LCLAT1: variants seen among roughly 807,000 people sequenced by gnomAD.
The protein encoded by LCLAT1 is 1-AGP acyltransferase 8.
Under a neutral mutation model 30.7 loss-of-function variants are expected in LCLAT1, and 11 were observed. The ratio of observed to expected loss-of-function variants is 0.36; its 90% CI spans 0.23 to 0.59. The LOEUF (loss-of-function observed/expected upper bound fraction) is 0.59. Ranked by LOEUF, LCLAT1 falls within the 20% of genes least tolerant of loss-of-function variation. The pLI is 0.77. For synonymous variants in LCLAT1, 155 were observed against 151.3 expected, an observed-to-expected ratio of 1.02 and a Z score of -0.18; for missense variants, 402 against 458.6, an observed-to-expected ratio of 0.88 and a Z score of 1.13.
chr2:30,541,612 C>T (rs942024933), intron 3 of LCLAT1, among the ~76,000 whole-genome samples: 1 of 152,138 alleles, frequency 6.6e-6, no homozygotes, highest in Non-Finnish European at 1.5e-5. Context: ...TCTAATTATG[C>T]ATAAGTACCA....
intron 1 of LCLAT1, among the ~76,000 whole-genome samples, chr2:30,518,124 C>A (rs1685279589): frequency 1.3e-5 from 2 of 152,114 alleles, no homozygotes; most frequent in African/African-American, 4.8e-5. Flanking sequence ...GTAAAAAAGG[C>A]AAAAAGGTAG....
rs1487964677 is a variant in LCLAT1 at position 30,484,768 on chromosome 2, GT to G, written c.-5+37389del. Among the ~76,000 whole-genome samples, 21 of 148,832 alleles carry G rather than the reference GT, an allele frequency of 1.4e-4. No individual in the cohort carries two copies. In the East Asian group the frequency reaches 4.3e-3, roughly 30 times the overall value. ...GTGTAACATTCAGTAACATTTGACA[GT>G]TTTAAAAAAGTGATTTCATTTTAAA... On this transcript the variant is annotated intron_variant, in intron 1 of 5. Transcript: ENST00000379509.
rs188614304 is a variant in LCLAT1 at position 30,474,343 on chromosome 2, G to A, written c.-5+26960G>A. The stretch of plus-strand genomic sequence containing the variant: ...AAACAGAATCTGATAAAGTGTAGAG[G>A]TGTGCTATAAATCATGCCTAGTTTT... On this transcript the variant is annotated intron_variant, in intron 1 of 5. Coordinates refer to ENST00000379509, the MANE Select transcript of LCLAT1 (RefSeq NM_001002257.3). Among the ~76,000 whole-genome samples the A allele has an allele frequency of 2.0e-3, 304 of 152,324 alleles. 2 individuals carry two copies. Among genetic ancestry groups the A allele is most frequent in the African/African-American group, 7.0e-3 (289 of 41,574 alleles).
intron 1 of LCLAT1, among the ~76,000 whole-genome samples, chr2:30,451,090 G>T (rs1681525241): frequency 6.6e-6 from 1 of 152,210 alleles, no homozygotes; most frequent in African/African-American, 2.4e-5. Flanking sequence ...GAGGGTCTCA[G>T]AATGGCCAGT....
chr2:30,492,647 A>G (rs1353165941), intron 1 of LCLAT1, among the ~76,000 whole-genome samples: 51 of 152,046 alleles, frequency 3.4e-4, no homozygotes, highest in Non-Finnish European at 8.8e-5. Context: ...TGTGATGGAC[A>G]TCACTAATAA....
intron 1 of LCLAT1, among the ~76,000 whole-genome samples, chr2:30,471,809 C>G (rs911222926): frequency 9.9e-5 from 15 of 152,044 alleles, no homozygotes; most frequent in African/African-American, 3.4e-4. Flanking sequence ...TACATAGGAT[C>G]ATGTCATGTG....
At chr2:30,510,353 C>T (rs1476343378) in intron 1 of LCLAT1, among the ~76,000 whole-genome samples, 3 of 152,198 alleles carry the variant, frequency 2.0e-5, no homozygotes, top group Admixed American at 2.0e-4. Flanking sequence ...ACACTTGCTA[C>T]AGGGACGGGT....
chr2:30,584,921 A>T (rs138855141), intron 5 of LCLAT1, among the ~76,000 whole-genome samples: 1 of 144,770 alleles, frequency 6.9e-6, no homozygotes, highest in African/African-American at 2.6e-5. Flanking sequence ...TGCTGCCCTG[A>T]TAAGGAACCA....
intron 1 of LCLAT1, among the ~76,000 whole-genome samples, chr2:30,523,784 C>T (rs1234843770): frequency 6.6e-6 from 1 of 152,208 alleles, no homozygotes; most frequent in African/African-American, 2.4e-5. Context: ...AGGAGAATCG[C>T]TTGAACCCGG....
At chr2:30,459,208 T>C (rs949763930) in intron 1 of LCLAT1, among the ~76,000 whole-genome samples, 1 of 152,106 alleles carries the variant, frequency 6.6e-6, no homozygotes, top group African/African-American at 2.4e-5. Flanking sequence ...TTTTCTTGGG[T>C]TGGGATCTAG....
chr2:30,592,931 TTAA>T (rs1666762164), intron 5 of LCLAT1, among the ~76,000 whole-genome samples: 1 of 152,244 alleles, frequency 6.6e-6, no homozygotes, highest in Non-Finnish European at 1.5e-5. Context: ...GAAACATTTA[TTAA>T]TAATTCTTGC....
intron 5 of LCLAT1, among the ~76,000 whole-genome samples, chr2:30,614,945 T>C (rs2609922): frequency 0.71 from 107,544 of 151,832 alleles, 38,173 homozygotes; most frequent in African/African-American, 0.74. Flanking sequence ...GAGGGAGGCA[T>C]TGGATTTGGT....
chr2:30,457,248 G>T (rs535783635), intron 1 of LCLAT1, among the ~76,000 whole-genome samples: 4 of 152,240 alleles, frequency 2.6e-5, no homozygotes, highest in Admixed American at 1.3e-4. Context: ...TTCTTTAGTG[G>T]TTGTCAGAGA....
intron 5 of LCLAT1, among the ~76,000 whole-genome samples, chr2:30,627,518 C>T (rs1011043914): frequency 2.0e-5 from 3 of 152,152 alleles, no homozygotes; most frequent in Admixed American, 6.5e-5. Flanking sequence ...TAAAAATGGA[C>T]CATTTAAAAT....
intron 1 of LCLAT1, among the ~76,000 whole-genome samples, chr2:30,453,979 C>T (rs1173234189): frequency 1.3e-5 from 2 of 152,196 alleles, no homozygotes; most frequent in East Asian, 1.9e-4. Flanking sequence ...TTTGAACCTA[C>T]GCAGTCTAGT....
At chr2:30,471,956 G>A (rs915362768) in intron 1 of LCLAT1, among the ~76,000 whole-genome samples, 2 of 152,174 alleles carry the variant, frequency 1.3e-5, no homozygotes, top group Non-Finnish European at 2.9e-5. Context: ...TAGGGGGAAA[G>A]CTTGTAGTCA....
chr2:30,554,674 A>G (rs989644823), intron 3 of LCLAT1, among the ~76,000 whole-genome samples: 1 of 152,332 alleles, frequency 6.6e-6, no homozygotes, highest in South Asian at 2.1e-4. Flanking sequence ...AAACCTTTTT[A>G]TTATAATTAC....
chr2:30,518,463 C>G (rs965983637), intron 1 of LCLAT1, among the ~76,000 whole-genome samples: 1 of 152,188 alleles, frequency 6.6e-6, no homozygotes, highest in Non-Finnish European at 1.5e-5. Context: ...AAAGTACTTA[C>G]AGAACCAGGA....
intron 1 of LCLAT1, among the ~76,000 whole-genome samples, chr2:30,467,075 G>T (rs1682472717): frequency 6.6e-6 from 1 of 152,056 alleles, no homozygotes; most frequent in East Asian, 1.9e-4. Flanking sequence ...ATCTCCTAAT[G>T]CTATCCCTCC....
Sources: allele counts gnomAD v4.1 joint callset (sites outside exome capture counted in the v4.1 genomes callset), GRCh38; gene constraint gnomAD v4.1.1; transcripts MANE v1.5; gene names NCBI Gene and HGNC (gene_info 2026-07-23, HGNC 2026-07-21).